The following ATRN variants were observed in gnomAD, a reference collection of about 807,000 sequenced individuals.
ATRN encodes attractin, also known as attractin-2.
Under a neutral mutation model 178.7 loss-of-function variants are expected in ATRN, and 54 were observed. That is an observed-to-expected ratio of 0.30 (90% CI 0.24 to 0.38). The LOEUF (loss-of-function observed/expected upper bound fraction) is 0.38. Among genes scored for constraint, ATRN ranks in the 10% least tolerant of loss-of-function variants. ATRN has a pLI of 1.00. For synonymous variants in ATRN, 636 were observed against 663.0 expected (o/e 0.96, Z 0.63); for missense variants, 1,443 against 1,815.1 (o/e 0.79, Z 3.73).
chr20:3,486,135 A>G (rs1214554335), intron 1 of ATRN, among the ~76,000 whole-genome samples: 4 of 152,178 alleles, frequency 2.6e-5, no homozygotes, highest in Non-Finnish European at 5.9e-5. Flanking sequence ...TAATTCATTC[A>G]TAGGTAATTT....
At chr20:3,475,973 C>T (rs917596846) in intron 1 of ATRN, among the ~76,000 whole-genome samples, 1 of 151,940 alleles carries the variant, frequency 6.6e-6, no homozygotes, top group Non-Finnish European at 1.5e-5. Flanking sequence ...AGTGAGAGCT[C>T]CTCACTACCA....
At chr20:3,577,133 T>C in intron 14 of ATRN, 136 bp downstream of exon 14, 2 of 1,101,424 alleles carry the variant, frequency 1.8e-6, no homozygotes, top group South Asian at 1.8e-5. Context: ...ACGAGTATTA[T>C]GGGCTTTTTT....
chr20:3,584,012 A>G lies in ATRN; in HGVS notation c.2879A>G (p.Asp960Gly). The change falls in exon 17 of 29, where the codon GAC becomes GGC. Residue 960 changes from aspartate (D) to glycine (G), a missense_variant. Physicochemically the swap from Asp to Gly is moderately conservative, Grantham distance 94 (BLOSUM62 -1). Around this residue, in one of 4 missense-constraint regions of ATRN, gnomAD observed 212 missense variants for 330.7 expected, o/e 0.64. Coordinates refer to ENST00000262919, the MANE Select transcript of ATRN (RefSeq NM_139321.3). ...TGCAGCAACATGAAGCAGTGTGTGGACTCCAATGCCTACGTGGCCTCCTTC... is the reference window on the plus strand; with the variant it reads ...TGCAGCAACATGAAGCAGTGTGTGGGCTCCAATGCCTACGTGGCCTCCTTC... ...MWCSNMKQCVDSNAYVASFPF... is the reference protein window; with the variant it reads ...MWCSNMKQCVGSNAYVASFPF... 6.2e-7 allele frequency: 1 copy of G among 1,613,982 alleles called. No homozygotes were observed. Among genetic ancestry groups the G allele is most frequent in the East Asian group, 2.2e-5 (1 of 44,842 alleles).
intron 1 of ATRN, among the ~76,000 whole-genome samples, chr20:3,534,490 C>G (rs369646255): frequency 6.6e-6 from 1 of 151,806 alleles, no homozygotes; most frequent in Non-Finnish European, 1.5e-5. Context: ...AGAGAGTGAA[C>G]GATTTGTTAA....
At chr20:3,611,871 T>C (rs2086771848) in intron 24 of ATRN, among the ~76,000 whole-genome samples, 1 of 152,172 alleles carries the variant, frequency 6.6e-6, no homozygotes, top group Non-Finnish European at 1.5e-5. Flanking sequence ...TGGGGAAAGA[T>C]TGGATCACTC....
chr20:3,562,871 G>C (rs2085974544), intron 9 of ATRN, among the ~76,000 whole-genome samples: 1 of 152,162 alleles, frequency 6.6e-6, no homozygotes, highest in Admixed American at 6.5e-5. Context: ...CTATGCAGGT[G>C]AAAGTTTTGG....
At chr20:3,584,162 A>G (rs2086322105) in intron 17 of ATRN, 79 bp downstream of exon 17, 1 of 1,452,638 alleles carries the variant, frequency 6.9e-7, no homozygotes, top group African/African-American at 1.4e-5. Flanking sequence ...CTGTGCTGTC[A>G]GCCTCTGAAC....
At chr20:3,501,539 G>T (rs1429348322) in intron 1 of ATRN, among the ~76,000 whole-genome samples, 4 of 152,122 alleles carry the variant, frequency 2.6e-5, no homozygotes, top group African/African-American at 9.7e-5. Flanking sequence ...ATTTCTATCA[G>T]TGGTAGAATA....
At chr20:3,612,563 T>C (rs1717601813) in intron 24 of ATRN, among the ~76,000 whole-genome samples, 1 of 152,190 alleles carries the variant, frequency 6.6e-6, no homozygotes, top group African/African-American at 2.4e-5. Flanking sequence ...GGGGTTTCGG[T>C]AGTTTCTCCG....
At chr20:3,636,612 G>A (rs1295686054) in intron 26 of ATRN, among the ~76,000 whole-genome samples, 4 of 152,162 alleles carry the variant, frequency 2.6e-5, no homozygotes, top group Non-Finnish European at 5.9e-5. Flanking sequence ...AAAATTCCAG[G>A]CACTGAGTTC....
At chr20:3,535,550 A>G (rs1195941503) in intron 2 of ATRN, among the ~76,000 whole-genome samples, 2 of 151,180 alleles carry the variant, frequency 1.3e-5, no homozygotes, top group Non-Finnish European at 2.9e-5. Context: ...ACACACCACA[A>G]ATTTGTGTAT....
intron 12 of ATRN, among the ~76,000 whole-genome samples, chr20:3,574,094 T>C (rs2086170163): frequency 6.6e-6 from 1 of 152,246 alleles, no homozygotes; most frequent in Non-Finnish European, 1.5e-5. Context: ...TAAAGTATGT[T>C]GGCTGAATTT....
At chr20:3,500,547 G>A (rs2084946122) in intron 1 of ATRN, among the ~76,000 whole-genome samples, 1 of 151,626 alleles carries the variant, frequency 6.6e-6, no homozygotes. Context: ...GGACATGGAT[G>A]AAATTGGAAA....
intron 1 of ATRN, among the ~76,000 whole-genome samples, chr20:3,534,624 A>G (rs945751874): frequency 1.3e-5 from 2 of 152,204 alleles, no homozygotes; most frequent in Admixed American, 6.5e-5. Context: ...ATCTGGAAAC[A>G]GCCATGATGA....
At chr20:3,592,126 G>A (rs1425087769) in intron 19 of ATRN, among the ~76,000 whole-genome samples, 1 of 152,214 alleles carries the variant, frequency 6.6e-6, no homozygotes, top group Non-Finnish European at 1.5e-5. Flanking sequence ...TTGGCTGGGT[G>A]TAGTGGCTCA....
At position 3,638,781 on chromosome 20, in the gene ATRN, C is replaced by A; in HGVS notation, c.3943-47C>A. On this transcript the variant is annotated intron_variant, in intron 26 of 28. Transcript: ENST00000262919. The surrounding 1 kb of genome is among the most constrained non-coding windows in gnomAD (Gnocchi z 4.5). ...AACATGTAGCATTAACTAATAAAAC[C>A]CCTTCAGTACTCATTCCATTAATGG... The A allele has an allele frequency of 6.6e-7, 1 of 1,525,550 alleles. No individual in the cohort carries two copies. The highest frequency in any genetic ancestry group is 9.1e-7 in the Non-Finnish European group (1 of 1,104,538). 94.5% of individuals were successfully genotyped at this position (1,525,550 alleles called of 1,614,324 possible).
intron 1 of ATRN, among the ~76,000 whole-genome samples, chr20:3,483,966 A>G (rs2146074770): frequency 6.6e-6 from 1 of 152,212 alleles, no homozygotes. Context: ...AAAATACATG[A>G]GGCCGGGCAT....
intron 22 of ATRN, among the ~76,000 whole-genome samples, 185 bp from the exon 23 acceptor site, chr20:3,600,761 T>C (rs369850578): frequency 4.5e-4 from 69 of 152,318 alleles, no homozygotes; most frequent in African/African-American, 1.6e-3. Flanking sequence ...TAAAATTTTA[T>C]TGGCATATAT....
At chr20:3,488,227 G>A (rs918702825) in intron 1 of ATRN, among the ~76,000 whole-genome samples, 7 of 151,966 alleles carry the variant, frequency 4.6e-5, no homozygotes, top group African/African-American at 1.7e-4. Flanking sequence ...GAAATGTATT[G>A]ATTTTTTTCC....
Sources: gnomAD v4.1 joint callset for allele counts (sites outside exome capture counted in the v4.1 genomes callset) on GRCh38, gnomAD v4.1.1 for gene constraint, gnomAD v4.1.1 regional missense constraint, Gnocchi (gnomAD v3.1) non-coding constraint, MANE v1.5 for transcripts, NCBI Gene and HGNC (gene_info 2026-07-23, HGNC 2026-07-21) for gene names.